Variants in CNTNAP5 observed in about 807,000 individuals in gnomAD.
The protein encoded by CNTNAP5 is contactin associated protein family member 5.
Under a neutral mutation model 150.2 loss-of-function variants are expected in CNTNAP5, and 72 were observed. That is an observed-to-expected ratio of 0.48 (90% confidence interval 0.40 to 0.58). The LOEUF is 0.58. Ranked by LOEUF, CNTNAP5 falls within the 20% of genes least tolerant of loss-of-function variation. CNTNAP5 has a pLI of 0.00. For missense variants in CNTNAP5, 1,636 were observed against 1,626.2 expected (o/e 1.01, Z -0.10); for synonymous variants, 672 against 619.8 (o/e 1.08, Z -1.25).
intron 9 of CNTNAP5, among the ~76,000 whole-genome samples, chr2:124,525,868 C>T (rs1212043315): frequency 6.6e-6 from 1 of 152,144 alleles, no homozygotes; most frequent in Admixed American, 6.5e-5. Context: ...AGAATTTGTG[C>T]AAGGCCATAG....
intron 13 of CNTNAP5, among the ~76,000 whole-genome samples, chr2:124,703,341 T>A (rs893778548): frequency 6.6e-6 from 1 of 152,142 alleles, no homozygotes; most frequent in Admixed American, 6.6e-5. Context: ...GGATGTATCA[T>A]AGCATGAATA....
intron 2 of CNTNAP5, 150 bp from the exon 3 acceptor site, chr2:124,242,050 G>T: frequency 1.6e-6 from 1 of 613,022 alleles, no homozygotes; most frequent in Non-Finnish European, 2.9e-6. Context: ...AGTACCAGGG[G>T]GTTAAGTACA....
At chr2:124,029,223 C>T (rs139098558) in intron 1 of CNTNAP5, among the ~76,000 whole-genome samples, 1 of 152,154 alleles carries the variant, frequency 6.6e-6, no homozygotes, top group East Asian at 1.9e-4. Context: ...TCATAAAGCT[C>T]TTCAAATAAG....
intron 6 of CNTNAP5, among the ~76,000 whole-genome samples, chr2:124,467,346 G>A (rs866100990): frequency 6.0e-5 from 9 of 150,474 alleles, no homozygotes; most frequent in African/African-American, 1.5e-4. Context: ...GAATGTTGGA[G>A]GGAGCCAATC....
intron 3 of CNTNAP5, among the ~76,000 whole-genome samples, chr2:124,402,352 T>C (rs1691446847): frequency 6.6e-6 from 1 of 152,024 alleles, no homozygotes. Context: ...GACAGAGGCA[T>C]AAACAAATAC....
At chr2:124,754,773 A>G (rs1038006166) in intron 14 of CNTNAP5, among the ~76,000 whole-genome samples, 1 of 151,962 alleles carries the variant, frequency 6.6e-6, no homozygotes, top group Non-Finnish European at 1.5e-5. Context: ...CCGCAGCCTC[A>G]AACTCCTGAC....
intron 21 of CNTNAP5, among the ~76,000 whole-genome samples, chr2:124,899,359 A>G (rs1678370757): frequency 6.6e-6 from 1 of 151,536 alleles, no homozygotes; most frequent in Non-Finnish European, 1.5e-5. Context: ...AGGTAGACCT[A>G]ATTTCCAACC....
At chr2:124,567,096 T>C (rs1157418274) in intron 11 of CNTNAP5, among the ~76,000 whole-genome samples, 1 of 152,160 alleles carries the variant, frequency 6.6e-6, no homozygotes, top group Non-Finnish European at 1.5e-5. Context: ...AACAGTCTTT[T>C]CCCCCTCATT....
intron 3 of CNTNAP5, among the ~76,000 whole-genome samples, chr2:124,281,865 G>C (rs1688022298): frequency 6.6e-6 from 1 of 152,144 alleles, no homozygotes; most frequent in South Asian, 2.1e-4. Context: ...ATCTCTTTCT[G>C]TAACTAACCC....
chr2:124,389,985 G>A (rs950647969), intron 3 of CNTNAP5, among the ~76,000 whole-genome samples: 3 of 106,276 alleles, frequency 2.8e-5, no homozygotes, highest in African/African-American at 8.2e-5. Flanking sequence ...AGTAATAATA[G>A]TAATAACAAT....
At chr2:124,584,218 TTGCAAGAAGATCTTGAAGC>T (rs1170425279) in intron 11 of CNTNAP5, among the ~76,000 whole-genome samples, 25 of 152,336 alleles carry the variant, frequency 1.6e-4, no homozygotes, top group Admixed American at 5.2e-4. Context: ...TGCTCGGGTT[TTGCAAGAAGATCTTGAAGC>T]TGCAGCTTCC....
At chr2:124,432,172 A>G (rs890828689) in intron 4 of CNTNAP5, among the ~76,000 whole-genome samples, 9 of 152,184 alleles carry the variant, frequency 5.9e-5, no homozygotes, top group African/African-American at 1.9e-4. Flanking sequence ...TTCAGATGCA[A>G]TATCTGTCTA....
intron 11 of CNTNAP5, among the ~76,000 whole-genome samples, chr2:124,591,494 T>C (rs1696681609): frequency 6.6e-6 from 1 of 152,024 alleles, no homozygotes; most frequent in South Asian, 2.1e-4. Context: ...TACATAGCAG[T>C]GGAGAAAGAG....
chr2:124,460,868 G>A (rs750247598), intron 6 of CNTNAP5, among the ~76,000 whole-genome samples: 2 of 152,070 alleles, frequency 1.3e-5, no homozygotes, highest in African/African-American at 4.8e-5. Context: ...TAGATCCTTT[G>A]TTTCCTTTGG....
intron 19 of CNTNAP5, among the ~76,000 whole-genome samples, chr2:124,834,759 T>C (rs966535605): frequency 1.2e-4 from 18 of 150,186 alleles, no homozygotes; most frequent in African/African-American, 4.4e-4. Flanking sequence ...TATAGTGTAC[T>C]TGCTTTAAAG....
At chr2:124,625,612 G>A (rs1677705481) in intron 12 of CNTNAP5, among the ~76,000 whole-genome samples, 1 of 152,186 alleles carries the variant, frequency 6.6e-6, no homozygotes, top group African/African-American at 2.4e-5. Context: ...GAGGGGCTCA[G>A]GCCAGGGCCT....
At chr2:124,612,074 T>A (rs1055234751) in intron 12 of CNTNAP5, among the ~76,000 whole-genome samples, 1 of 152,224 alleles carries the variant, frequency 6.6e-6, no homozygotes, top group Non-Finnish European at 1.5e-5. Flanking sequence ...TAATTGGATA[T>A]GTTCTATTAC....
intron 3 of CNTNAP5, among the ~76,000 whole-genome samples, chr2:124,351,541 C>G (rs1689874779): frequency 6.6e-6 from 1 of 152,054 alleles, no homozygotes; most frequent in Non-Finnish European, 1.5e-5. Context: ...ATTGAAGAAG[C>G]TTAACTGAAT....
chr2:124,436,130 T>G (rs942208735), intron 5 of CNTNAP5, among the ~76,000 whole-genome samples: 10 of 152,216 alleles, frequency 6.6e-5, no homozygotes, highest in African/African-American at 9.6e-5. Flanking sequence ...TACAAGTGGC[T>G]TACATAGCAT....
Sources: allele counts gnomAD v4.1 joint callset (sites outside exome capture counted in the v4.1 genomes callset), GRCh38; gene constraint gnomAD v4.1.1; transcripts MANE v1.5; gene names NCBI Gene and HGNC (gene_info 2026-07-23, HGNC 2026-07-21).